Variants in STYX observed in about 807,000 individuals in gnomAD.
STYX encodes serine/threonine/tyrosine interacting protein.
A neutral mutation model predicts 42.7 loss-of-function variants in STYX; 20 were observed. The observed-to-expected ratio is 0.47, with a 90% CI of 0.33 to 0.68. The LOEUF (loss-of-function observed/expected upper bound fraction) is 0.68, where lower values mean the gene tolerates loss of function less well. STYX is among the 30% of genes least tolerant of loss of function. The pLI is 0.02. For synonymous variants in STYX, 78 were observed against 81.9 expected (o/e 0.95, Z 0.26); for missense variants, 226 against 268.5 (o/e 0.84, Z 1.11).
rs192022875 is a variant in STYX at position 52,749,269 on chromosome 14, C to G, written c.145-1414C>G. Among the ~76,000 whole-genome samples the G allele has an allele frequency of 4.2e-3, 635 of 152,308 alleles. 2 individuals are homozygous for G. Among genetic ancestry groups the G allele is most frequent in the Non-Finnish European group, 5.5e-3 (375 of 68,022 alleles). ...ATGACCTCAATCTAAAACTGATTAT[C>G]TTCCAGAGACTCCACCATCACATCT... On this transcript the variant is annotated intron_variant, in intron 3 of 10. Transcript: ENST00000354586.
chr14:52,748,272 G>A (rs1157057357), intron 3 of STYX, among the ~76,000 whole-genome samples: 1 of 152,020 alleles, frequency 6.6e-6, no homozygotes, highest in Non-Finnish European at 1.5e-5. Flanking sequence ...TGTTACCCAG[G>A]CTGGAGTACA....
chr14:52,751,209 C>G, intron 4 of STYX, among the ~76,000 whole-genome samples: 1 of 151,746 alleles, frequency 6.6e-6, no homozygotes, highest in East Asian at 1.9e-4. Flanking sequence ...TTTACATTGG[C>G]TTTCTTTTTT....
At chr14:52,744,945 T>C (rs1205449740) in intron 2 of STYX, 61 bp downstream of exon 2, 19 of 1,522,374 alleles carry the variant, frequency 1.2e-5, no homozygotes, top group Middle Eastern at 1.7e-4. Flanking sequence ...AGAACCTTAG[T>C]TTATAGGATT....
chr14:52,754,184 G>A (rs1594874947), intron 4 of STYX, among the ~76,000 whole-genome samples: 1 of 151,694 alleles, frequency 6.6e-6, no homozygotes, highest in African/African-American at 2.4e-5. Context: ...CACTGCGCCC[G>A]GCCTGAATTT....
At position 52,730,395 on chromosome 14, in the gene STYX, T is replaced by TCCG; in HGVS notation, c.-72_-70dup. On this transcript the variant is annotated 5_prime_UTR_variant, in exon 1 of 11. Coordinates refer to ENST00000354586, the MANE Select transcript of STYX (RefSeq NM_145251.4). ...CTCCGCTCCGCCGGCCCTCCTTCCT[T>TCCG]CCGCCGCCGCAGCCAGCCCGAGGGT... 2.0e-6 allele frequency: 3 copies of TCCG among 1,512,864 alleles called. No homozygotes were observed. Among genetic ancestry groups the TCCG allele is most frequent in the African/African-American group, 1.4e-5 (1 of 72,808 alleles). The allele number at this position is 1,512,864 out of a possible 1,614,324, so 93.7% of individuals were successfully genotyped here.
chr14:52,762,173 C>A (rs1480220658), intron 9 of STYX, among the ~76,000 whole-genome samples: 2 of 152,110 alleles, frequency 1.3e-5, no homozygotes. Flanking sequence ...AGCCACCACT[C>A]CTGGCCCAAA....
chr14:52,763,189 G>A (rs984089791), intron 9 of STYX, among the ~76,000 whole-genome samples: 2 of 151,964 alleles, frequency 1.3e-5, no homozygotes, highest in South Asian at 4.2e-4. Flanking sequence ...ACTGCTCCTG[G>A]CCTGGTTTGA....
At chr14:52,762,790 C>T (rs957165211) in intron 9 of STYX, among the ~76,000 whole-genome samples, 2 of 150,246 alleles carry the variant, frequency 1.3e-5, no homozygotes, top group African/African-American at 4.9e-5. Flanking sequence ...TTCATTCATT[C>T]ATATATTTTG....
At chr14:52,743,969 G>C (rs188093999) in intron 1 of STYX, among the ~76,000 whole-genome samples, 68 of 151,676 alleles carry the variant, frequency 4.5e-4, no homozygotes, top group Non-Finnish European at 1.5e-4. Context: ...TTACAGGCAG[G>C]CTCCACCATG....
At chr14:52,730,588 G>T (rs1880656926) in intron 1 of STYX, 57 bp downstream of exon 1, 7 of 1,579,086 alleles carry the variant, frequency 4.4e-6, no homozygotes, top group Non-Finnish European at 6.0e-6. Flanking sequence ...CCGGCCGAGG[G>T]GCGACCCCAG....
Position 52,730,215 on chromosome 14 carries a change from G to A in STYX, c.-260G>A, listed in dbSNP as rs570888593. 1 of 542,644 alleles carries A rather than the reference G, an allele frequency of 1.8e-6. No individual in the cohort carries two copies. Among genetic ancestry groups the A allele is most frequent in the Admixed American group, 3.3e-5 (1 of 30,302 alleles). 33.6% of individuals were successfully genotyped at this position (542,644 alleles called of 1,614,324 possible). A position where few individuals can be genotyped will look rare whatever the true frequency, so the allele number is the denominator to read the frequency against. On this transcript the variant is annotated 5_prime_UTR_variant, in exon 1 of 11. Transcript: ENST00000354586. Reference sequence around the variant, plus strand: ...GGATCCTGGGCGGCCTGAGGGGTACGGAGACTCTGGGGGAGGGAGACGGCA... The same window carrying A: ...GGATCCTGGGCGGCCTGAGGGGTACAGAGACTCTGGGGGAGGGAGACGGCA...
intron 4 of STYX, among the ~76,000 whole-genome samples, chr14:52,753,771 A>G (rs988261296): frequency 6.7e-6 from 1 of 148,426 alleles, no homozygotes; most frequent in African/African-American, 2.5e-5. Context: ...TGTCGGTTGA[A>G]TCCACAGGTA....
intron 9 of STYX, among the ~76,000 whole-genome samples, chr14:52,762,266 A>G (rs1332658537): frequency 1.3e-5 from 2 of 152,080 alleles, no homozygotes; most frequent in African/African-American, 2.4e-5. Context: ...ATGGAAATCT[A>G]TTTATAGCCT....
Position 52,730,325 on chromosome 14 carries a change from T to G in STYX, c.-150T>G. 1.4e-6 allele frequency: 1 copy of G among 735,426 alleles called. No individual in the cohort carries two copies. Among genetic ancestry groups the G allele is most frequent in the Non-Finnish European group, 2.3e-6 (1 of 426,832 alleles). 45.6% of individuals were successfully genotyped at this position (735,426 alleles called of 1,614,324 possible). On this transcript the variant is annotated 5_prime_UTR_variant, in exon 1 of 11. Coordinates refer to ENST00000354586, the MANE Select transcript of STYX (RefSeq NM_145251.4). ...CGCTGCTGGAGTCACTGGGACCCTG[T>G]AGTCTGCGTGTGTTAGTTGTAATCC...
At chr14:52,755,123 T>G (rs1881804709) in intron 4 of STYX, among the ~76,000 whole-genome samples, 1 of 149,120 alleles carries the variant, frequency 6.7e-6, no homozygotes, top group South Asian at 2.1e-4. Flanking sequence ...GTTTTTTTGT[T>G]TTTTTTTTTT....
chr14:52,750,641 A>G, intron 3 of STYX, 42 bp from the exon 4 acceptor site: 1 of 1,255,758 alleles, frequency 8.0e-7, no homozygotes, highest in Non-Finnish European at 1.1e-6. Flanking sequence ...ATTTTAAAAT[A>G]TTTATCTTCC....
chr14:52,744,733 T>A, intron 1 of STYX, 119 bp from the exon 2 acceptor site: 1 of 885,688 alleles, frequency 1.1e-6, no homozygotes, highest in Non-Finnish European at 1.7e-6. Flanking sequence ...TTTAATAAAA[T>A]GTTCTTAAAG....
In STYX at chr14:52,772,859, T is replaced by C. The variant is rs1232877151; in HGVS notation, c.*1753T>C. 1 of 151,852 alleles carries C rather than the reference T, an allele frequency of 6.6e-6. No homozygotes were observed. Among genetic ancestry groups the C allele is most frequent in the Non-Finnish European group, 1.5e-5 (1 of 67,964 alleles). The allele number at this position is 151,852 out of a possible 1,614,324, so 9.4% of individuals were successfully genotyped here. ...GAAAACAGCATATTGTTAATCTCGT[T>C]GTCGTCCAGTATTCTGCTTTGTGAT... On this transcript the variant is annotated 3_prime_UTR_variant, in exon 11 of 11. Coordinates refer to ENST00000354586, the MANE Select transcript of STYX (RefSeq NM_145251.4).
At chr14:52,750,406 G>T (rs1053744417) in intron 3 of STYX, among the ~76,000 whole-genome samples, 2 of 152,098 alleles carry the variant, frequency 1.3e-5, no homozygotes, top group Non-Finnish European at 2.9e-5. Context: ...CAGGTGCTAT[G>T]CCAAACATCT....
Sources: allele counts gnomAD v4.1 joint callset (sites outside exome capture counted in the v4.1 genomes callset), GRCh38; gene constraint gnomAD v4.1.1; transcripts MANE v1.5; gene names NCBI Gene and HGNC (gene_info 2026-07-23, HGNC 2026-07-21).